PNLIPRP3: variants seen among roughly 807,000 people sequenced by gnomAD.
PNLIPRP3 encodes the protein pancreatic lipase related protein 3.
In PNLIPRP3, 58 loss-of-function variants were observed where a neutral mutation model predicts 52.8. The ratio of observed to expected loss-of-function variants is 1.10; its 90% confidence interval spans 0.89 to 1.37. The LOEUF is 1.37. PNLIPRP3 is among the 40% of genes most tolerant of loss of function. The pLI, the probability that PNLIPRP3 is intolerant of heterozygous loss-of-function variation, is 0.00. For synonymous variants in PNLIPRP3, 192 were observed against 185.0 expected, an observed-to-expected ratio of 1.04 and a Z score of -0.31; for missense variants, 593 against 561.6, an observed-to-expected ratio of 1.06 and a Z score of -0.57.
chr10:116,453,536 A>G (rs1846069770), intron 4 of PNLIPRP3, among the ~76,000 whole-genome samples: 1 of 152,092 alleles, frequency 6.6e-6, no homozygotes, highest in Admixed American at 6.6e-5. Context: ...GTCATCCCCA[A>G]TTTGGAAATG....
intron 9 of PNLIPRP3, among the ~76,000 whole-genome samples, chr10:116,469,678 G>A (rs1846335290): frequency 6.6e-6 from 1 of 152,168 alleles, no homozygotes; most frequent in Non-Finnish European, 1.5e-5. Flanking sequence ...ATGCCTGGAA[G>A]TAAGAGAGAG....
At chr10:116,442,827 G>A (rs74505041) in intron 2 of PNLIPRP3, among the ~76,000 whole-genome samples, 6,349 of 152,202 alleles carry the variant, frequency 0.042, 320 homozygotes, top group African/African-American at 0.095. Flanking sequence ...TGGAGTCATT[G>A]CACTTCAGCC....
At chr10:116,476,549 C>T (rs1234000378) in intron 10 of PNLIPRP3, 103 bp from the exon 11 acceptor site, 5 of 858,976 alleles carry the variant, frequency 5.8e-6, no homozygotes, top group Non-Finnish European at 8.6e-6. Context: ...CAAATGCTAG[C>T]AAATACAAGT....
intron 1 of PNLIPRP3, among the ~76,000 whole-genome samples, chr10:116,433,114 CAA>C (rs71010080): frequency 2.4e-4 from 2 of 8,500 alleles, no homozygotes; most frequent in African/African-American, 5.2e-4. Context: ...AACTCCATCT[CAA>C]AAAAAAAAAA....
chr10:116,474,974 CACAT>C lies in PNLIPRP3; in HGVS notation c.1173-1677_1173-1674del, dbSNP rs1846435151. 2.0e-5 allele frequency among the ~76,000 whole-genome samples: 3 copies of C among 152,242 alleles called. No homozygotes were observed. The East Asian group carries it at 5.8e-4, about 29-fold the overall frequency. On this transcript the variant is annotated intron_variant, in intron 10 of 11. Coordinates refer to ENST00000369230, the MANE Select transcript of PNLIPRP3 (RefSeq NM_001011709.3). ...AATAGAAATTGTTCTATTGTAAAGA[CACAT>C]GCATGCATATGTTCATGCAGCACTA...
chr10:116,473,722 T>C (rs1374003505), intron 10 of PNLIPRP3, among the ~76,000 whole-genome samples: 1 of 152,000 alleles, frequency 6.6e-6, no homozygotes, highest in African/African-American at 2.4e-5. Context: ...GGGTTCACCA[T>C]GTTTGCCAGG....
At chr10:116,451,021 T>G (rs1412863599) in intron 4 of PNLIPRP3, among the ~76,000 whole-genome samples, 3 of 152,136 alleles carry the variant, frequency 2.0e-5, no homozygotes, top group Admixed American at 2.0e-4. Flanking sequence ...GCTGGAATCA[T>G]CACAGTTCCT....
At chr10:116,430,231 C>G (rs1355773759) in intron 1 of PNLIPRP3, among the ~76,000 whole-genome samples, 1 of 151,956 alleles carries the variant, frequency 6.6e-6, no homozygotes, top group Non-Finnish European at 1.5e-5. Flanking sequence ...GGTCTCTTCT[C>G]TTTGTTTCTG....
chr10:116,443,190 G>C lies in PNLIPRP3; in HGVS notation c.324+16G>C. On this transcript the variant is annotated intron_variant, in intron 3 of 11. Transcript: ENST00000369230. Reference sequence around the variant, plus strand: ...CATGTGCAATGTATGACATGAATAAGCTCCTTTTTACACTAGCATGCGAGC... The same window carrying C: ...CATGTGCAATGTATGACATGAATAACCTCCTTTTTACACTAGCATGCGAGC... 5 of 1,601,548 alleles carry C rather than the reference G, an allele frequency of 3.1e-6. No individual in the cohort carries two copies. The highest frequency in any genetic ancestry group is 4.3e-6 in the Non-Finnish European group (5 of 1,173,008).
chr10:116,454,576 C>A (rs1846085516), intron 4 of PNLIPRP3, among the ~76,000 whole-genome samples: 1 of 152,188 alleles, frequency 6.6e-6, no homozygotes, highest in Admixed American at 6.5e-5. Context: ...TCCCTATTCA[C>A]CACACCCCAA....
At chr10:116,469,044 G>A in intron 8 of PNLIPRP3, 141 bp from the exon 9 acceptor site, 1 of 773,044 alleles carries the variant, frequency 1.3e-6, no homozygotes, top group Non-Finnish European at 1.9e-6. Context: ...AACAGACATG[G>A]TGGCCTGTTA....
chr10:116,442,916 A>G, intron 2 of PNLIPRP3, 139 bp from the exon 3 acceptor site: 2 of 493,524 alleles, frequency 4.1e-6, no homozygotes, highest in Non-Finnish European at 6.3e-6. Flanking sequence ...AGCCATAACT[A>G]TTTAGTAAAA....
chr10:116,447,368 C>T (rs1056611708), intron 4 of PNLIPRP3, among the ~76,000 whole-genome samples: 10 of 152,130 alleles, frequency 6.6e-5, no homozygotes, highest in African/African-American at 2.4e-4. Context: ...TGAACACCCT[C>T]GCAGAGGTGG....
chr10:116,444,043 G>A (rs1845905402), intron 3 of PNLIPRP3, among the ~76,000 whole-genome samples: 1 of 151,694 alleles, frequency 6.6e-6, no homozygotes, highest in African/African-American at 2.4e-5. Context: ...CAATCACGGC[G>A]GAAGGCACCG....
chr10:116,445,869 A>G (rs1845941314), intron 4 of PNLIPRP3, among the ~76,000 whole-genome samples: 1 of 152,078 alleles, frequency 6.6e-6, no homozygotes, highest in African/African-American at 2.4e-5. Flanking sequence ...TCTTTCTGTC[A>G]TCTCATCACA....
intron 8 of PNLIPRP3, 40 bp downstream of exon 8, chr10:116,466,208 A>AT (rs767803531): frequency 6.9e-7 from 1 of 1,449,296 alleles, no homozygotes; most frequent in Non-Finnish European, 9.5e-7. Flanking sequence ...TTATAAAGTA[A>AT]TTTTTTGAAA....
intron 1 of PNLIPRP3, among the ~76,000 whole-genome samples, chr10:116,430,809 CA>C (rs1198777014): frequency 3.3e-5 from 5 of 152,148 alleles, no homozygotes; most frequent in Non-Finnish European, 5.9e-5. Context: ...AAATCTGTAA[CA>C]GAGTCCATTG....
At position 116,427,987 on chromosome 10, in the gene PNLIPRP3, TTA is replaced by T; in HGVS notation, c.-24_-23del. 6.3e-7 allele frequency: 1 copy of T among 1,588,726 alleles called. No individual in the cohort carries two copies. The highest frequency in any genetic ancestry group is 8.6e-7 in the Non-Finnish European group (1 of 1,159,112). Reference sequence around the variant, plus strand: ...CAAGTAAAGATCTTCAAGAAGATTTTTATGTGATTTAAAAAATCAGCTTAGAT... The same window carrying T: ...CAAGTAAAGATCTTCAAGAAGATTTTTGTGATTTAAAAAATCAGCTTAGAT... On this transcript the variant is annotated 5_prime_UTR_variant, in exon 1 of 12. An upstream start codon of the reference 5' UTR is lost. Coordinates refer to ENST00000369230, the MANE Select transcript of PNLIPRP3 (RefSeq NM_001011709.3).
chr10:116,467,889 G>A (rs1254091484), intron 8 of PNLIPRP3, among the ~76,000 whole-genome samples: 1 of 151,854 alleles, frequency 6.6e-6, no homozygotes, highest in African/African-American at 2.4e-5. Context: ...ACTTTGGGAG[G>A]CCGAGGAAGG....
Sources: allele counts gnomAD v4.1 joint callset (sites outside exome capture counted in the v4.1 genomes callset), GRCh38; gene constraint gnomAD v4.1.1; transcripts MANE v1.5; gene names NCBI Gene and HGNC (gene_info 2026-07-23, HGNC 2026-07-21).